The following TSNARE1 variants were observed in gnomAD, a reference collection of about 807,000 sequenced individuals.
TSNARE1 encodes t-SNARE domain-containing protein 1.
A neutral mutation model predicts 62.0 loss-of-function variants in TSNARE1; 49 were observed. The observed-to-expected ratio is 0.79, with a 90% confidence interval of 0.63 to 1.00. The LOEUF is 1.00. TSNARE1 is among the 50% of genes least tolerant of loss of function. The probability of loss-of-function intolerance (pLI) is 0.00; values close to 1 mark genes in which losing one functional copy is unlikely to be tolerated. For missense variants in TSNARE1, 755 were observed against 700.1 expected (o/e 1.08, Z -0.88); for synonymous variants, 328 against 294.4 (o/e 1.11, Z -1.17).
chr8:142,222,102 C>CCACTCACTCATCCACTCATT (rs1816300908), intron 13 of TSNARE1, among the ~76,000 whole-genome samples: 1 of 124,520 alleles, frequency 8.0e-6, no homozygotes, highest in African/African-American at 3.2e-5. Flanking sequence ...CTCATCCACT[C>CCACTCACTCATCCACTCATT]CACTCACTCA....
intron 11 of TSNARE1, chr8:142,280,439 C>T (rs989076289): frequency 3.6e-6 from 2 of 554,258 alleles, no homozygotes; most frequent in African/African-American, 2.0e-5. Flanking sequence ...GGCCTCGCAT[C>T]GGCACCCAGC....
At chr8:142,258,118 C>T (rs954250810) in intron 12 of TSNARE1, among the ~76,000 whole-genome samples, 1 of 152,168 alleles carries the variant, frequency 6.6e-6, no homozygotes, top group African/African-American at 2.4e-5. Flanking sequence ...TGCCTATGCA[C>T]GAAGGCACAC....
chr8:142,291,039 C>T lies in TSNARE1; in HGVS notation c.1291-6554G>A, dbSNP rs534785896. 2.6e-4 allele frequency among the ~76,000 whole-genome samples: 40 copies of T among 152,204 alleles called. No individual in the cohort carries two copies. In the East Asian group the frequency reaches 4.8e-3, roughly 18 times the overall value. On this transcript the variant is annotated intron_variant, in intron 10 of 13. Coordinates refer to ENST00000524325, the MANE Select transcript of TSNARE1 (RefSeq NM_145003.5). The surrounding 1 kb of genome is among the most constrained non-coding windows in gnomAD (Gnocchi z 4.8). Reference sequence around the variant, plus strand: ...CACGCTGGCAGTGGACTGAAGGGCACGCGCCTGTTCCCTCCAACCTCTCCT... The same window carrying T: ...CACGCTGGCAGTGGACTGAAGGGCATGCGCCTGTTCCCTCCAACCTCTCCT...
chr8:142,247,930 G>A (rs1375200177), intron 12 of TSNARE1: 1 of 152,318 alleles, frequency 6.6e-6, no homozygotes, highest in Non-Finnish European at 1.5e-5. Context: ...GCTCGCATGG[G>A]GGATACTGGG....
At chr8:142,380,728 G>A (rs1473186868) in intron 1 of TSNARE1, among the ~76,000 whole-genome samples, 2 of 152,174 alleles carry the variant, frequency 1.3e-5, no homozygotes, top group Middle Eastern at 6.3e-3. Flanking sequence ...ACGGAAAAAA[G>A]ACTGCAAGGA....
chr8:142,267,593 C>CT (rs1196970206), intron 12 of TSNARE1, among the ~76,000 whole-genome samples: 2 of 152,200 alleles, frequency 1.3e-5, no homozygotes, highest in Non-Finnish European at 2.9e-5. Context: ...GGCTCTCAGT[C>CT]TGTCTGTAAA....
chr8:142,272,838 A>G, intron 12 of TSNARE1: 3 of 983,720 alleles, frequency 3.0e-6, no homozygotes, highest in Non-Finnish European at 3.6e-6. Context: ...GGAACAGGAC[A>G]TTCTATGCAG....
intron 13 of TSNARE1, among the ~76,000 whole-genome samples, chr8:142,227,655 A>G (rs1365780990): frequency 6.6e-6 from 1 of 152,346 alleles, no homozygotes; most frequent in South Asian, 2.1e-4. Context: ...TGCCCTGCCT[A>G]ATGTGAACAC....
At chr8:142,318,173 G>T (rs1828882811) in intron 7 of TSNARE1, among the ~76,000 whole-genome samples, 1 of 152,184 alleles carries the variant, frequency 6.6e-6, no homozygotes, top group African/African-American at 2.4e-5. Context: ...GGCGGATGCA[G>T]CAGAGGGGCA....
intron 4 of TSNARE1, 120 bp from the exon 5 acceptor site, chr8:142,331,951 C>G: frequency 1.0e-6 from 1 of 960,190 alleles, no homozygotes; most frequent in South Asian, 1.4e-5. Context: ...CAGAGTGGCC[C>G]TGAACCCCCT....
intron 7 of TSNARE1, among the ~76,000 whole-genome samples, chr8:142,316,059 C>T (rs34618272): frequency 3.9e-4 from 59 of 152,372 alleles, no homozygotes; most frequent in Non-Finnish European, 6.8e-4. Flanking sequence ...CGCAACCCTC[C>T]ACCATGTGGG....
chr8:142,274,784 G>A lies in TSNARE1; in HGVS notation c.1443C>T (p.His481=), dbSNP rs749823799. Residue 481 remains histidine (H), a synonymous_variant, in exon 12 of 14, where the codon CAC becomes CAT. Coordinates refer to ENST00000524325, the MANE Select transcript of TSNARE1 (RefSeq NM_145003.5). ...ARQLLAGASR[H]QLQRHKIKCC... is the part of the protein sequence containing the mutation. ...TGTGGCCCTCACACGGACTTACTTGGTGCCGGCTGGCTCCAGCCAGGAGCT... is the reference window on the plus strand; with the variant it reads ...TGTGGCCCTCACACGGACTTACTTGATGCCGGCTGGCTCCAGCCAGGAGCT... 6.4e-7 allele frequency: 1 copy of A among 1,567,116 alleles called. No individual in the cohort carries two copies. Among genetic ancestry groups the A allele is most frequent in the Admixed American group, 1.8e-5 (1 of 54,470 alleles).
chr8:142,323,451 T>C (rs74853702), intron 6 of TSNARE1, among the ~76,000 whole-genome samples: 2 of 152,310 alleles, frequency 1.3e-5, no homozygotes, highest in African/African-American at 4.8e-5. Flanking sequence ...CTTCTGCCTG[T>C]CGCCAAAGTA....
chr8:142,286,271 AC>A (rs1423587388), intron 10 of TSNARE1, among the ~76,000 whole-genome samples: 1 of 152,080 alleles, frequency 6.6e-6, no homozygotes, highest in Non-Finnish European at 1.5e-5. Context: ...GCCCTGGCAC[AC>A]CCGTCCAGTC....
intron 1 of TSNARE1, among the ~76,000 whole-genome samples, chr8:142,389,842 C>T (rs191886974): frequency 1.3e-5 from 2 of 152,342 alleles, no homozygotes; most frequent in East Asian, 3.9e-4. Flanking sequence ...TTTGCTTAAC[C>T]ATAGGGATAC....
chr8:142,254,561 G>T (rs773042679), intron 12 of TSNARE1, among the ~76,000 whole-genome samples: 2 of 152,164 alleles, frequency 1.3e-5, no homozygotes, highest in African/African-American at 4.8e-5. Context: ...TTCCCTGAGC[G>T]GCCCCTTCTC....
intron 12 of TSNARE1, among the ~76,000 whole-genome samples, chr8:142,244,028 T>G (rs1317123085): frequency 6.6e-6 from 1 of 151,856 alleles, no homozygotes; most frequent in Non-Finnish European, 1.5e-5. Flanking sequence ...CTACTAAAAG[T>G]ACAAAAAATT....
chr8:142,219,647 CA>C (rs966673540), intron 13 of TSNARE1, among the ~76,000 whole-genome samples: 2 of 152,232 alleles, frequency 1.3e-5, no homozygotes, highest in African/African-American at 2.4e-5. Flanking sequence ...CCCCTCCCCT[CA>C]CCTGCCTTCC....
intron 12 of TSNARE1, among the ~76,000 whole-genome samples, chr8:142,249,642 C>T (rs549538349): frequency 1.3e-5 from 2 of 152,348 alleles, no homozygotes; most frequent in Admixed American, 1.3e-4. Context: ...CTCCCTCCTC[C>T]GCCCAGGGTG....
Sources: allele counts gnomAD v4.1 joint callset (sites outside exome capture counted in the v4.1 genomes callset), GRCh38; gene constraint gnomAD v4.1.1; non-coding constraint Gnocchi (gnomAD v3.1); transcripts MANE v1.5; gene names NCBI Gene and HGNC (gene_info 2026-07-23, HGNC 2026-07-21).